AGBL4: variants seen among roughly 807,000 people sequenced by gnomAD.
The protein encoded by AGBL4 is AGBL carboxypeptidase 4.
A neutral mutation model predicts 66.4 loss-of-function variants in AGBL4; 58 were observed. The observed-to-expected ratio is 0.87, with a 90% confidence interval of 0.71 to 1.09. The LOEUF (loss-of-function observed/expected upper bound fraction) is 1.09, where lower values mean the gene tolerates loss of function less well. Among genes scored for constraint, AGBL4 ranks in the 50% least tolerant of loss-of-function variants. AGBL4 has a pLI of 0.00. For synonymous variants in AGBL4, 234 were observed against 222.9 expected, an observed-to-expected ratio of 1.05 and a Z score of -0.44; for missense variants, 579 against 631.0, an observed-to-expected ratio of 0.92 and a Z score of 0.88.
chr1:49,878,200 A>G (rs954709556), intron 1 of AGBL4, among the ~76,000 whole-genome samples: 13 of 147,006 alleles, frequency 8.8e-5, no homozygotes, highest in Admixed American at 6.8e-4. Context: ...GCCTTCTGCT[A>G]GCTTTTGAAT....
intron 5 of AGBL4, among the ~76,000 whole-genome samples, chr1:48,878,929 A>G (rs1265645736): frequency 2.0e-5 from 3 of 152,082 alleles, no homozygotes; most frequent in Admixed American, 1.3e-4. Flanking sequence ...TCTGCATTTG[A>G]CTGTCTCTCA....
At chr1:49,060,545 T>TAGACGG (rs1279463952) in intron 4 of AGBL4, among the ~76,000 whole-genome samples, 1 of 152,074 alleles carries the variant, frequency 6.6e-6, no homozygotes, top group Non-Finnish European at 1.5e-5. Flanking sequence ...TTTCAGCGTG[T>TAGACGG]AGACATAGAC....
chr1:48,682,897 A>G lies in AGBL4; in HGVS notation c.635-19656T>C, dbSNP rs1045492984. 2.0e-5 allele frequency among the ~76,000 whole-genome samples: 3 copies of G among 152,236 alleles called. No homozygotes were observed. In the South Asian group the frequency reaches 6.2e-4, roughly 31 times the overall value. On this transcript the variant is annotated intron_variant, in intron 6 of 13. Coordinates refer to ENST00000371839, the MANE Select transcript of AGBL4 (RefSeq NM_032785.4). ...ATTTAATGGAGCTGGTGGGAAACCC[A>G]GTGAGATAACATAAGGGACAAGGTT...
intron 8 of AGBL4, among the ~76,000 whole-genome samples, chr1:48,641,802 G>T (rs1395078017): frequency 6.6e-6 from 1 of 152,154 alleles, no homozygotes; most frequent in Non-Finnish European, 1.5e-5. Context: ...TAAAGCCTAT[G>T]TTCTTAGCCA....
At chr1:48,954,209 C>A (rs74076743) in intron 5 of AGBL4, among the ~76,000 whole-genome samples, 1 of 152,270 alleles carries the variant, frequency 6.6e-6, no homozygotes, top group African/African-American at 2.4e-5. Context: ...ACTTGAAAAC[C>A]GGTCAAGAAC....
chr1:49,217,004 A>G (rs1032738823), intron 4 of AGBL4, among the ~76,000 whole-genome samples: 2 of 152,116 alleles, frequency 1.3e-5, no homozygotes, highest in African/African-American at 4.8e-5. Flanking sequence ...AGGGTTCTGC[A>G]CTGTTGACAA....
At chr1:48,929,356 ATGCCACTTTGGCC>A (rs1308293612) in intron 5 of AGBL4, among the ~76,000 whole-genome samples, 1 of 152,198 alleles carries the variant, frequency 6.6e-6, no homozygotes, top group Non-Finnish European at 1.5e-5. Flanking sequence ...GTTAAAAAAC[ATGCCACTTTGGCC>A]TTCACTTTGT....
chr1:49,703,718 T>C (rs1448755778), intron 2 of AGBL4, among the ~76,000 whole-genome samples: 1 of 151,832 alleles, frequency 6.6e-6, no homozygotes, highest in African/African-American at 2.4e-5. Flanking sequence ...GCTATTGCAA[T>C]ACAGCAAGAA....
At chr1:49,564,103 G>A (rs1013064841) in intron 3 of AGBL4, among the ~76,000 whole-genome samples, 5 of 152,114 alleles carry the variant, frequency 3.3e-5, no homozygotes, top group African/African-American at 1.2e-4. Context: ...GCGTAGAGGT[G>A]TTTATAGTAT....
At chr1:49,139,475 T>A (rs1297643167) in intron 4 of AGBL4, among the ~76,000 whole-genome samples, 1 of 152,132 alleles carries the variant, frequency 6.6e-6, no homozygotes, top group Non-Finnish European at 1.5e-5. Context: ...CGGCCAGTCC[T>A]GGTAGAGTGG....
intron 3 of AGBL4, among the ~76,000 whole-genome samples, chr1:49,272,474 T>A (rs988206550): frequency 7.2e-5 from 11 of 152,186 alleles, no homozygotes; most frequent in Admixed American, 6.5e-4. Context: ...ATTCCTATGA[T>A]TTTATGTTAC....
At chr1:49,244,841 T>C (rs887832880) in intron 4 of AGBL4, among the ~76,000 whole-genome samples, 9 of 151,864 alleles carry the variant, frequency 5.9e-5, no homozygotes, top group African/African-American at 2.2e-4. Flanking sequence ...GTGTGATAGA[T>C]GAATAGGTTA....
intron 3 of AGBL4, among the ~76,000 whole-genome samples, chr1:49,588,760 T>C (rs1644698302): frequency 6.6e-6 from 1 of 152,180 alleles, no homozygotes; most frequent in South Asian, 2.1e-4. Context: ...ATGGACAAAA[T>C]ATAATTTGTT....
rs370144127 is a variant in AGBL4 at position 49,648,702 on chromosome 1, C to T, written c.282+48611G>A. 3.7e-4 allele frequency among the ~76,000 whole-genome samples: 56 copies of T among 151,404 alleles called. 1 individual carries two copies. In the South Asian group the frequency reaches 9.6e-3, roughly 26 times the overall value. On this transcript the variant is annotated intron_variant, in intron 3 of 13. Transcript: ENST00000371839. ...AGAAACTATGCAAGCAAAAAGACAA[C>T]GGAGTAAAATATTGAAAGTGTGGAG...
intron 3 of AGBL4, among the ~76,000 whole-genome samples, chr1:49,401,773 T>C (rs567653857): frequency 6.6e-6 from 1 of 152,294 alleles, no homozygotes; most frequent in Admixed American, 6.5e-5. Flanking sequence ...CTGCTTTAAA[T>C]GTTTGGTAGA....
chr1:48,978,405 T>C (rs1571146955), intron 5 of AGBL4, among the ~76,000 whole-genome samples: 1 of 152,192 alleles, frequency 6.6e-6, no homozygotes, highest in East Asian at 1.9e-4. Context: ...TGTGTTTCTA[T>C]GAGTTAAACC....
At chr1:48,985,025 G>C (rs550429998) in intron 5 of AGBL4, among the ~76,000 whole-genome samples, 1 of 152,190 alleles carries the variant, frequency 6.6e-6, no homozygotes, top group South Asian at 2.1e-4. Context: ...TTCACTTCTA[G>C]CTGAGAAAGA....
chr1:49,682,300 A>G (rs1018635485), intron 3 of AGBL4, among the ~76,000 whole-genome samples: 2 of 152,108 alleles, frequency 1.3e-5, no homozygotes, highest in Admixed American at 1.3e-4. Flanking sequence ...CAGGTACAGG[A>G]GGCTGAGGCA....
rs569824690 is a variant in AGBL4 at position 49,635,434 on chromosome 1, AG to A, written c.282+61878del. 3.4e-4 allele frequency among the ~76,000 whole-genome samples: 52 copies of A among 152,294 alleles called. 1 individual carries two copies. The South Asian group carries it at 9.5e-3, about 28-fold the overall frequency. The stretch of plus-strand genomic sequence containing the variant: ...GAATTAAGGAAATATATATGTCAAA[AG>A]ACACCATTTAAAGAATAAAAAACAA... On this transcript the variant is annotated intron_variant, in intron 3 of 13. Coordinates refer to ENST00000371839, the MANE Select transcript of AGBL4 (RefSeq NM_032785.4).
Sources: allele counts gnomAD v4.1 joint callset (sites outside exome capture counted in the v4.1 genomes callset), GRCh38; gene constraint gnomAD v4.1.1; transcripts MANE v1.5; gene names NCBI Gene and HGNC (gene_info 2026-07-23, HGNC 2026-07-21).